The following CHMP4B variants were observed in gnomAD, a reference collection of about 807,000 sequenced individuals.
The protein encoded by CHMP4B is charged multivesicular body protein 4B, also known as SNF7 homolog associated with Alix 1.
In CHMP4B, 1 loss-of-function variant was observed where a neutral mutation model predicts 25.1. The observed-to-expected ratio is 0.04, with a 90% CI of 0.01 to 0.19. The LOEUF is 0.19. Among genes scored for constraint, CHMP4B ranks in the 10% least tolerant of loss-of-function variants. The pLI is 1.00. For missense variants in CHMP4B, 151 were observed against 289.7 expected (o/e 0.52, Z 3.48); for synonymous variants, 101 against 115.6 (o/e 0.87, Z 0.81).
chr20:33,831,680 A>C (rs1979256253), intron 1 of CHMP4B, among the ~76,000 whole-genome samples: 1 of 152,086 alleles, frequency 6.6e-6, no homozygotes, highest in South Asian at 2.1e-4. Flanking sequence ...GGCCTCAGAG[A>C]TTATGTTCTC....
In CHMP4B at chr20:33,811,363, G is replaced by A. The variant is rs1044649210; in HGVS notation, c.-106G>A. 4.1e-6 allele frequency: 4 copies of A among 973,766 alleles called. No individual in the cohort carries two copies. Among genetic ancestry groups the A allele is most frequent in the African/African-American group, 1.7e-5 (1 of 58,078 alleles). The allele number at this position is 973,766 out of a possible 1,614,324, so 60.3% of individuals were successfully genotyped here. On this transcript the variant is annotated 5_prime_UTR_variant, in exon 1 of 5. Transcript: ENST00000217402. ...CGGAGGCGGAGGAGAGGCCTGCGGC[G>A]GCAGGGAGCGGCGGGACTGGGAGCG...
intron 1 of CHMP4B, among the ~76,000 whole-genome samples, chr20:33,828,646 C>A (rs1979159052): frequency 6.6e-6 from 1 of 152,100 alleles, no homozygotes; most frequent in African/African-American, 2.4e-5. Flanking sequence ...TGCAAGGGAT[C>A]AGAATAATTC....
chr20:33,831,306 G>A (rs988855984), intron 1 of CHMP4B, among the ~76,000 whole-genome samples: 3 of 151,872 alleles, frequency 2.0e-5, no homozygotes, highest in African/African-American at 7.2e-5. Context: ...GGCTGGTCTC[G>A]AACTCCTGAC....
rs1363516447 is a variant in CHMP4B, at chr20:33,853,816, T to C, written c.*256T>C. On this transcript the variant is annotated 3_prime_UTR_variant, in exon 5 of 5. Coordinates refer to ENST00000217402, the MANE Select transcript of CHMP4B (RefSeq NM_176812.5). ...AATGTTGAATTTCTGTAAAATAAAC[T>C]GTATTTGCAAATCCAACATTGAGCT... The C allele has an allele frequency of 7.6e-6, 4 of 524,348 alleles. No homozygotes were observed. Among genetic ancestry groups the C allele is most frequent in the East Asian group, 7.3e-5 (2 of 27,340 alleles). The allele number at this position is 524,348 out of a possible 1,614,324, so 32.5% of individuals were successfully genotyped here.
At chr20:33,826,459 G>A (rs1431420738) in intron 1 of CHMP4B, among the ~76,000 whole-genome samples, 3 of 152,122 alleles carry the variant, frequency 2.0e-5, no homozygotes, top group Non-Finnish European at 4.4e-5. Context: ...CCAAGCTGAG[G>A]AATCTGTGTT....
intron 1 of CHMP4B, among the ~76,000 whole-genome samples, chr20:33,813,696 C>A (rs1978703459): frequency 6.6e-6 from 1 of 152,084 alleles, no homozygotes; most frequent in South Asian, 2.1e-4. Flanking sequence ...TGGTCTGGAG[C>A]TAGCTTAGTT....
At chr20:33,849,463 C>T (rs1214476256) in intron 2 of CHMP4B, among the ~76,000 whole-genome samples, 2 of 152,018 alleles carry the variant, frequency 1.3e-5, no homozygotes, top group Admixed American at 6.5e-5. Context: ...AGCTGGGTGT[C>T]GTGGCATGCG....
intron 1 of CHMP4B, among the ~76,000 whole-genome samples, chr20:33,828,230 C>G (rs2122792451): frequency 6.6e-6 from 1 of 152,302 alleles, no homozygotes; most frequent in South Asian, 2.1e-4. Context: ...AGGGAAATCC[C>G]AGGCCCAGAG....
rs767032910 is a variant in CHMP4B, at chr20:33,811,503, G to T, written c.35G>T (p.Gly12Val). Residue 12 changes from glycine (G) to valine (V), a missense_variant, in exon 1 of 5, where the codon GGG (glycine) becomes GTG (valine). By Grantham distance (109) the Gly-to-Val change is moderately radical (BLOSUM62 -3). Coordinates refer to ENST00000217402, the MANE Select transcript of CHMP4B (RefSeq NM_176812.5). ...SVFGKLFGAG[G>V]GKAGKGGPTP... ...TTCGGGAAGCTGTTCGGGGCTGGAG[G>T]GGGTAAGGCCGGCAAGGGCGGCCCG... is the stretch of plus-strand genomic sequence containing the variant. The T allele has an allele frequency of 1.3e-6, 2 of 1,596,050 alleles. No individual in the cohort carries two copies. Among genetic ancestry groups the T allele is most frequent in the African/African-American group, 1.3e-5 (1 of 74,844 alleles).
chr20:33,824,166 C>A (rs550592449), intron 1 of CHMP4B, among the ~76,000 whole-genome samples: 3 of 152,110 alleles, frequency 2.0e-5, no homozygotes, highest in African/African-American at 4.8e-5. Context: ...CTCAGAGAAG[C>A]CTTATGTAGG....
In CHMP4B at chr20:33,848,699, G is replaced by A. The variant is rs45563534; in HGVS notation, c.368+55G>A. The A allele has an allele frequency of 2.5e-3, 3,954 of 1,593,502 alleles. 12 individuals are homozygous for A. The highest frequency in any genetic ancestry group is 8.8e-3 in the Middle Eastern group (53 of 6,030). On this transcript the variant is annotated intron_variant, in intron 2 of 4. Transcript: ENST00000217402. ...GGCAGTGCTAGTCCCGGAATGCCTC[G>A]TACCCAGGCCATGGCCTTGGGCAGA...
chr20:33,845,386 G>C (rs1015756231), intron 1 of CHMP4B, among the ~76,000 whole-genome samples: 1 of 151,058 alleles, frequency 6.6e-6, no homozygotes, highest in African/African-American at 2.4e-5. Context: ...TCAGTGGCAC[G>C]GTCTCAGCTC....
At chr20:33,825,143 G>A (rs890109349) in intron 1 of CHMP4B, among the ~76,000 whole-genome samples, 1 of 152,160 alleles carries the variant, frequency 6.6e-6, no homozygotes, top group African/African-American at 2.4e-5. Flanking sequence ...ATAGTCCCTA[G>A]TCTTTTCAGG....
At chr20:33,852,490 G>T (rs1979883099) in intron 4 of CHMP4B, among the ~76,000 whole-genome samples, 1 of 136,678 alleles carries the variant, frequency 7.3e-6, no homozygotes, top group Non-Finnish European at 1.6e-5. Context: ...GTGGGGGCGG[G>T]GTTGTCCGGT....
chr20:33,823,601 G>C (rs757689660), intron 1 of CHMP4B, among the ~76,000 whole-genome samples: 1 of 152,120 alleles, frequency 6.6e-6, no homozygotes, highest in Admixed American at 6.5e-5. Context: ...GAAGGGGCAC[G>C]ATCTAGGCTC....
chr20:33,821,731 T>C (rs1723002556), intron 1 of CHMP4B, among the ~76,000 whole-genome samples: 1 of 152,200 alleles, frequency 6.6e-6, no homozygotes, highest in Non-Finnish European at 1.5e-5. Flanking sequence ...GAGACCAATA[T>C]AGGCATCAAA....
intron 1 of CHMP4B, among the ~76,000 whole-genome samples, chr20:33,842,865 A>G (rs542106510): frequency 6.6e-6 from 1 of 152,190 alleles, no homozygotes; most frequent in Non-Finnish European, 1.5e-5. Context: ...ACTAGTAATG[A>G]GTGTATAGTT....
chr20:33,811,378 G>A lies in CHMP4B; in HGVS notation c.-91G>A, dbSNP rs1266734800. ...GGCCTGCGGCGGCAGGGAGCGGCGG[G>A]ACTGGGAGCGGGCGCCGGAGCCGAC... On this transcript the variant is annotated 5_prime_UTR_variant, in exon 1 of 5. Coordinates refer to ENST00000217402, the MANE Select transcript of CHMP4B (RefSeq NM_176812.5). 9.8e-6 allele frequency: 11 copies of A among 1,127,418 alleles called. No individual in the cohort carries two copies. Among genetic ancestry groups the A allele is most frequent in the Non-Finnish European group, 1.2e-5 (11 of 882,188 alleles). 69.8% of individuals were successfully genotyped at this position (1,127,418 alleles called of 1,614,324 possible).
intron 1 of CHMP4B, among the ~76,000 whole-genome samples, chr20:33,821,386 C>CAA (rs35674946): frequency 1.1e-3 from 121 of 106,126 alleles, no homozygotes; most frequent in East Asian, 6.3e-3. Context: ...GACTCCATCT[C>CAA]AAAAAAAAAA....
Sources: gnomAD v4.1 joint callset for allele counts (sites outside exome capture counted in the v4.1 genomes callset) on GRCh38, gnomAD v4.1.1 for gene constraint, MANE v1.5 for transcripts, NCBI Gene and HGNC (gene_info 2026-07-23, HGNC 2026-07-21) for gene names.